HACE1: variants seen among roughly 807,000 people sequenced by gnomAD.
HACE1 encodes HECT domain and ankyrin repeat containing E3 ubiquitin protein ligase 1, also known as E3 ubiquitin-protein ligase HACE1.
Under a neutral mutation model 118.4 loss-of-function variants are expected in HACE1, and 73 were observed. The ratio of observed to expected loss-of-function variants is 0.62; its 90% CI spans 0.51 to 0.75. HACE1 has a LOEUF of 0.75. HACE1 is among the 30% of genes least tolerant of loss of function. The probability of loss-of-function intolerance (pLI) is 0.00; values close to 1 mark genes in which losing one functional copy is unlikely to be tolerated. For missense variants in HACE1, 749 were observed against 1,102.2 expected, an observed-to-expected ratio of 0.68 and a Z score of 4.54; for synonymous variants, 368 against 374.8, an observed-to-expected ratio of 0.98 and a Z score of 0.21.
chr6:104,848,507 A>G (rs1775883984), intron 4 of HACE1, among the ~76,000 whole-genome samples: 1 of 151,968 alleles, frequency 6.6e-6, no homozygotes, highest in Non-Finnish European at 1.5e-5. Flanking sequence ...CAAGTCCTGA[A>G]TCAAAAAATA....
chr6:104,734,754 T>C (rs922133623), intron 22 of HACE1, among the ~76,000 whole-genome samples: 1 of 152,206 alleles, frequency 6.6e-6, no homozygotes, highest in Non-Finnish European at 1.5e-5. Context: ...GACTGTACTA[T>C]TTAAAGTGGA....
chr6:104,818,597 C>T (rs1772357452), intron 6 of HACE1, among the ~76,000 whole-genome samples: 1 of 151,940 alleles, frequency 6.6e-6, no homozygotes, highest in African/African-American at 2.4e-5. Flanking sequence ...AATGTCAGAC[C>T]AATATCCTTG....
At chr6:104,838,051 A>C (rs1057431900) in intron 5 of HACE1, among the ~76,000 whole-genome samples, 4 of 152,108 alleles carry the variant, frequency 2.6e-5, no homozygotes, top group Non-Finnish European at 5.9e-5. Context: ...AGATGCAAGA[A>C]ACTGAAGAAG....
chr6:104,835,281 T>A (rs1287238846), intron 5 of HACE1, among the ~76,000 whole-genome samples: 3 of 152,084 alleles, frequency 2.0e-5, no homozygotes, highest in Non-Finnish European at 4.4e-5. Context: ...GATAAACGCA[T>A]CTAATTTGAA....
chr6:104,846,982 G>A (rs139401838), intron 4 of HACE1, among the ~76,000 whole-genome samples: 3 of 152,324 alleles, frequency 2.0e-5, no homozygotes, highest in African/African-American at 7.2e-5. Context: ...GAATAGCTAT[G>A]TGAATCATGT....
intron 19 of HACE1, among the ~76,000 whole-genome samples, chr6:104,770,326 GC>G (rs1780475775): frequency 6.6e-6 from 1 of 151,982 alleles, no homozygotes; most frequent in East Asian, 1.9e-4. Context: ...AAAACACCAA[GC>G]CATATTAAAT....
chr6:104,806,798 A>G (rs576467205), intron 7 of HACE1, among the ~76,000 whole-genome samples: 11 of 152,292 alleles, frequency 7.2e-5, no homozygotes, highest in Admixed American at 2.0e-4. Context: ...AATTTAACTA[A>G]TAAGAAACTT....
At chr6:104,793,233 C>CCCCTGCATTTGGCCAGGGT (rs1294044010) in intron 10 of HACE1, among the ~76,000 whole-genome samples, 106 of 147,630 alleles carry the variant, frequency 7.2e-4, no homozygotes, top group African/African-American at 2.3e-3. Context: ...CGCCACTGCA[C>CCCCTGCATTTGGCCAGGGT]TCCAGCCTGG....
At chr6:104,844,328 G>A (rs1775419206) in intron 4 of HACE1, among the ~76,000 whole-genome samples, 1 of 144,230 alleles carries the variant, frequency 6.9e-6, no homozygotes, top group Non-Finnish European at 1.5e-5. Context: ...AGTCACCACG[G>A]TGGCCCATCA....
chr6:104,793,009 C>T (rs1450360516), intron 10 of HACE1, among the ~76,000 whole-genome samples: 1 of 151,770 alleles, frequency 6.6e-6, no homozygotes, highest in Non-Finnish European at 1.5e-5. Context: ...TGGCTCACGC[C>T]TGTAATCCCA....
intron 10 of HACE1, 119 bp downstream of exon 10, chr6:104,795,460 A>G (rs1783507907): frequency 1.4e-6 from 1 of 730,044 alleles, no homozygotes; most frequent in African/African-American, 1.7e-5. Flanking sequence ...ACCAGAAGTC[A>G]GCAAATTTTT....
intron 4 of HACE1, among the ~76,000 whole-genome samples, chr6:104,844,034 G>GT (rs1168939477): frequency 3.2e-3 from 443 of 140,496 alleles, no homozygotes; most frequent in Non-Finnish European, 4.2e-3. Context: ...TTTTGTATGG[G>GT]TTTTTTTTTT....
chr6:104,743,587 A>G (rs1487797773), intron 22 of HACE1, among the ~76,000 whole-genome samples: 1 of 151,968 alleles, frequency 6.6e-6, no homozygotes, highest in Non-Finnish European at 1.5e-5. Flanking sequence ...TACATCTTTC[A>G]GAAATACAAG....
At chr6:104,768,525 GGTTA>G (rs1201249390) in intron 19 of HACE1, among the ~76,000 whole-genome samples, 1 of 151,788 alleles carries the variant, frequency 6.6e-6, no homozygotes, top group Non-Finnish European at 1.5e-5. Flanking sequence ...ATATGAATCA[GGTTA>G]TTTATTAAAT....
chr6:104,731,976 T>A (rs1218014437), intron 22 of HACE1: 1 of 151,764 alleles, frequency 6.6e-6, no homozygotes, highest in Non-Finnish European at 1.5e-5. Flanking sequence ...ATGCTCAACA[T>A]CACCATTTAC....
At chr6:104,825,318 T>C (rs909357297) in intron 6 of HACE1, among the ~76,000 whole-genome samples, 2 of 152,028 alleles carry the variant, frequency 1.3e-5, no homozygotes, top group Non-Finnish European at 2.9e-5. Context: ...GCGAGGCAGA[T>C]GGGAAATTGA....
chr6:104,792,770 A>G (rs550173711), intron 10 of HACE1, among the ~76,000 whole-genome samples: 16 of 152,276 alleles, frequency 1.1e-4, no homozygotes, highest in African/African-American at 3.4e-4. Context: ...CGACCCAGGC[A>G]TAAGTATTTC....
intron 22 of HACE1, among the ~76,000 whole-genome samples, chr6:104,735,733 T>C (rs879941968): frequency 1.3e-5 from 2 of 152,090 alleles, no homozygotes; most frequent in African/African-American, 4.8e-5. Context: ...TAAATGAATA[T>C]ATATCAAGAT....
In HACE1 at chr6:104,850,887, C is replaced by A; in HGVS notation, c.221+20G>T. ...CCTTGCCCTAGATCAGAGTTTAACT[C>A]AAAATATCTTTAGTCTTACTTTGCT... On this transcript the variant is annotated intron_variant, in intron 3 of 23. Coordinates refer to ENST00000262903, the MANE Select transcript of HACE1 (RefSeq NM_020771.4). 6.9e-7 allele frequency: 1 copy of A among 1,455,794 alleles called. No individual in the cohort carries two copies. Among genetic ancestry groups the A allele is most frequent in the East Asian group, 2.3e-5 (1 of 44,088 alleles). 90.2% of individuals were successfully genotyped at this position (1,455,794 alleles called of 1,614,324 possible). A position where few individuals can be genotyped will look rare whatever the true frequency, so the allele number is the denominator to read the frequency against.
Sources: gnomAD v4.1 joint callset for allele counts (sites outside exome capture counted in the v4.1 genomes callset) on GRCh38, gnomAD v4.1.1 for gene constraint, MANE v1.5 for transcripts, NCBI Gene and HGNC (gene_info 2026-07-23, HGNC 2026-07-21) for gene names.